Variants in LCA5L observed in about 807,000 individuals in gnomAD.
The protein encoded by LCA5L is lebercilin-like protein.
In LCA5L, 35 loss-of-function variants were observed where a neutral mutation model predicts 45.4. That is an observed-to-expected ratio of 0.77 (90% CI 0.59 to 1.02). LCA5L has a LOEUF of 1.02. Ranked by LOEUF, LCA5L falls within the 50% of genes least tolerant of loss-of-function variation. The pLI, the probability that LCA5L is intolerant of heterozygous loss-of-function variation, is 0.00. For synonymous variants in LCA5L, 233 were observed against 264.7 expected, an observed-to-expected ratio of 0.88 and a Z score of 1.16; for missense variants, 668 against 761.6, an observed-to-expected ratio of 0.88 and a Z score of 1.45.
Position 39,411,805 on chromosome 21 carries a change from A to G in LCA5L, c.976-3T>C, listed in dbSNP as rs759196940. The G allele has an allele frequency of 7.7e-6, 12 of 1,563,272 alleles. No homozygotes were observed. The highest frequency in any genetic ancestry group is 9.6e-6 in the Non-Finnish European group (11 of 1,149,604). ...ATTTCAAGCTCACGATCCTTTTCCT[A>G]AAAAGAACCACAAAACCAATTTTTC... On this transcript the variant is annotated splice_region_variant and splice_polypyrimidine_tract_variant and intron_variant, in intron 7 of 10. Coordinates refer to ENST00000288350, the MANE Select transcript of LCA5L (RefSeq NM_152505.4).
At chr21:39,415,694 A>G (rs561990436) in intron 7 of LCA5L, among the ~76,000 whole-genome samples, 1 of 152,360 alleles carries the variant, frequency 6.6e-6, no homozygotes, top group South Asian at 2.1e-4. Context: ...GAATCTAAAC[A>G]AGGTTCAAAA....
rs147325067 is a variant in LCA5L at position 39,428,422 on chromosome 21, C to G, written c.72G>C (p.Arg24Ser). 383 of 1,611,948 alleles carry G rather than the reference C, an allele frequency of 2.4e-4. No individual in the cohort carries two copies. The African/African-American group carries it at 4.9e-3, about 21-fold the overall frequency. ...GGCTTCTCTTGCATGCTGCAGACCT[C>G]CTATTGTTTTCTAATGCCACGCCGA... is the stretch of plus-strand genomic sequence containing the variant. ...HFFGVALENNRRSAACKRSPG... is the reference protein window; with the variant it reads ...HFFGVALENNSRSAACKRSPG... The change falls in exon 5 of 11, where the codon AGG becomes AGC. Residue 24 changes from arginine to serine, a missense_variant. Coordinates refer to ENST00000288350, the MANE Select transcript of LCA5L (RefSeq NM_152505.4).
At chr21:39,445,521 G>C (rs1018698312) in intron 1 of LCA5L, 1 of 152,620 alleles carries the variant, frequency 6.6e-6, no homozygotes. Context: ...GGTCACTGCC[G>C]AGCCGGGGTA....
chr21:39,410,477 A>C (rs2039896345), intron 8 of LCA5L, 110 bp from the exon 9 acceptor site: 3 of 583,946 alleles, frequency 5.1e-6, no homozygotes, highest in Non-Finnish European at 8.8e-6. Flanking sequence ...TATACTAAGT[A>C]TTTTCTAAAT....
chr21:39,428,906 G>A (rs957800339), intron 4 of LCA5L, among the ~76,000 whole-genome samples: 5 of 151,742 alleles, frequency 3.3e-5, no homozygotes, highest in Non-Finnish European at 7.4e-5. Context: ...GAGCCACCAT[G>A]CTCAGCCATG....
rs140588367 is a variant in LCA5L at position 39,410,577 on chromosome 21, T to A, written c.1061-210A>T. ...TACTTTGGGCCTCACAGTGTTTGAGTATAAAACAAGTAGGTGTTAGGATAA... is the reference window on the plus strand; with the variant it reads ...TACTTTGGGCCTCACAGTGTTTGAGAATAAAACAAGTAGGTGTTAGGATAA... On this transcript the variant is annotated intron_variant, in intron 8 of 10. Coordinates refer to ENST00000288350, the MANE Select transcript of LCA5L (RefSeq NM_152505.4). Among the ~76,000 whole-genome samples, 1,274 of 152,202 alleles carry A rather than the reference T, an allele frequency of 8.4e-3. 9 individuals are homozygous for A. The highest frequency in any genetic ancestry group is 0.014 in the Non-Finnish European group (933 of 68,006).
At chr21:39,414,283 T>C (rs1569075100) in intron 7 of LCA5L, 1 of 152,182 alleles carries the variant, frequency 6.6e-6, no homozygotes, top group African/African-American at 2.4e-5. Context: ...AGCAGTGTCT[T>C]AATGCAGGAG....
chr21:39,428,699 A>C (rs1420596324), intron 4 of LCA5L, among the ~76,000 whole-genome samples, 196 bp from the exon 5 acceptor site: 1 of 138,458 alleles, frequency 7.2e-6, no homozygotes, highest in Non-Finnish European at 1.5e-5. Flanking sequence ...TGCAGCCTTG[A>C]CCTCCTGGGC....
intron 3 of LCA5L, among the ~76,000 whole-genome samples, chr21:39,433,918 C>T (rs1417947507): frequency 6.7e-6 from 1 of 148,768 alleles, no homozygotes; most frequent in African/African-American, 2.5e-5. Context: ...TCCATGCCAC[C>T]ACATCCAGCT....
chr21:39,410,388 A>G (rs765981662), intron 8 of LCA5L, 21 bp from the exon 9 acceptor site: 1 of 1,272,936 alleles, frequency 7.9e-7, no homozygotes, highest in Admixed American at 2.1e-5. Flanking sequence ...GGTAGATTAT[A>G]TGTAAGAAAC....
chr21:39,432,832 T>C (rs2075881409), intron 3 of LCA5L, among the ~76,000 whole-genome samples: 1 of 152,250 alleles, frequency 6.6e-6, no homozygotes, highest in Non-Finnish European at 1.5e-5. Flanking sequence ...CATGTTACTA[T>C]GTGCATCAAT....
chr21:39,431,656 T>G (rs963583194), intron 3 of LCA5L, among the ~76,000 whole-genome samples: 1 of 152,144 alleles, frequency 6.6e-6, no homozygotes, highest in Non-Finnish European at 1.5e-5. Context: ...TAGCTGGGAC[T>G]ACAGGTACGT....
At chr21:39,412,600 G>GCA (rs58572253) in intron 7 of LCA5L, among the ~76,000 whole-genome samples, 1,911 of 149,574 alleles carry the variant, frequency 0.013, 15 homozygotes, top group Middle Eastern at 0.024. Context: ...ACGTGCATGT[G>GCA]CACACACACA....
At position 39,409,658 on chromosome 21, in the gene LCA5L, T is replaced by A. The variant is rs2039737721; in HGVS notation, c.1282+321A>T. On this transcript the variant is annotated intron_variant, in intron 10 of 10. Transcript: ENST00000288350. This position sits in a 1 kb window ranked among gnomAD's most constrained non-coding sequence, Gnocchi z 4.2. Reference sequence around the variant, plus strand: ...CCCAGGTTGGAGTGCAGTGGCACGATCTTGGCTCACTGCAACCTCTGCCTC... The same window carrying A: ...CCCAGGTTGGAGTGCAGTGGCACGAACTTGGCTCACTGCAACCTCTGCCTC... Among the ~76,000 whole-genome samples, 1 of 152,162 alleles carries A rather than the reference T, an allele frequency of 6.6e-6. No homozygotes were observed.
intron 5 of LCA5L, among the ~76,000 whole-genome samples, chr21:39,426,739 G>A (rs1169191779): frequency 6.6e-6 from 1 of 152,202 alleles, no homozygotes; most frequent in East Asian, 1.9e-4. Flanking sequence ...TTTCAAATGT[G>A]GATAAGGAAT....
At chr21:39,414,951 G>T (rs1412868987) in intron 7 of LCA5L, among the ~76,000 whole-genome samples, 2 of 152,016 alleles carry the variant, frequency 1.3e-5, no homozygotes, top group Non-Finnish European at 2.9e-5. Flanking sequence ...TCTCTCTGTT[G>T]CCCAGGCTGG....
At chr21:39,420,087 G>A (rs1376043418) in intron 7 of LCA5L, among the ~76,000 whole-genome samples, 1 of 152,134 alleles carries the variant, frequency 6.6e-6, no homozygotes, top group Non-Finnish European at 1.5e-5. Flanking sequence ...ATGCTAACAA[G>A]AAGCCTTGTT....
intron 6 of LCA5L, chr21:39,422,446 A>G (rs1403373674): frequency 6.5e-6 from 1 of 153,812 alleles, no homozygotes; most frequent in African/African-American, 2.4e-5. Context: ...TTCCTTCCCT[A>G]CTACCCAGGA....
chr21:39,414,742 C>CTCTGTGTGTGTGTGTGTGTGTG (rs1341489035), intron 7 of LCA5L, among the ~76,000 whole-genome samples: 2 of 99,178 alleles, frequency 2.0e-5, no homozygotes, highest in African/African-American at 4.4e-5. Flanking sequence ...CTCTCTCTCT[C>CTCTGTGTGTGTGTGTGTGTGTG]TGTGTGTGTG....
Sources: allele counts gnomAD v4.1 joint callset (sites outside exome capture counted in the v4.1 genomes callset), GRCh38; gene constraint gnomAD v4.1.1; non-coding constraint Gnocchi (gnomAD v3.1); transcripts MANE v1.5; gene names NCBI Gene and HGNC (gene_info 2026-07-23, HGNC 2026-07-21).